CLIC5: variants seen among roughly 807,000 people sequenced by gnomAD.
CLIC5 encodes the protein chloride intracellular channel protein 5.
A neutral mutation model predicts 24.7 loss-of-function variants in CLIC5; 20 were observed. The observed-to-expected ratio is 0.81, with a 90% CI of 0.57 to 1.18. The LOEUF is 1.18. Ranked by LOEUF, CLIC5 falls within the 50% of genes most tolerant of loss-of-function variation. The pLI, the probability that CLIC5 is intolerant of heterozygous loss-of-function variation, is 0.00. For synonymous variants in CLIC5, 159 were observed against 135.6 expected (o/e 1.17, Z -1.20); for missense variants, 341 against 326.1 (o/e 1.05, Z -0.35).
rs1766983803 is a variant in CLIC5, at chr6:46,015,817, G to C, written c.-275C>G. ...TGACAACAGGTCGTGGGAGCAACAA[G>C]TGCCGGGCTGCCCGGAGGTGTCACA... On this transcript the variant is annotated 5_prime_UTR_variant, in exon 1 of 6. Coordinates refer to ENST00000339561, the MANE Select transcript of CLIC5 (RefSeq NM_016929.5). 7 of 1,171,990 alleles carry C rather than the reference G, an allele frequency of 6.0e-6. No homozygotes were observed. Among genetic ancestry groups the C allele is most frequent in the Admixed American group, 4.6e-5 (1 of 21,680 alleles). 72.6% of individuals were successfully genotyped at this position (1,171,990 alleles called of 1,614,324 possible). A position where few individuals can be genotyped will look rare whatever the true frequency, so the allele number is the denominator to read the frequency against.
At chr6:45,898,309 T>C (rs1319544967), downstream of CLIC5, 1 of 152,172 alleles carries the variant, frequency 6.6e-6, no homozygotes, top group African/African-American at 2.4e-5. Flanking sequence ...CAGGCATGCT[T>C]TGATTTTTAA....
At chr6:45,959,727 G>A (rs1243199380) in intron 1 of CLIC5, among the ~76,000 whole-genome samples, 3 of 152,322 alleles carry the variant, frequency 2.0e-5, no homozygotes, top group East Asian at 3.9e-4. Context: ...GAGGGAGGCA[G>A]CTGGTTCAGC....
intron 1 of CLIC5, among the ~76,000 whole-genome samples, chr6:45,987,043 G>A (rs924390794): frequency 6.6e-6 from 1 of 152,124 alleles, no homozygotes; most frequent in African/African-American, 2.4e-5. Context: ...CATGGAACTG[G>A]AGACCTGATA....
upstream of CLIC5, among the ~76,000 whole-genome samples, chr6:46,083,383 A>ATG (rs1762964173): frequency 6.6e-6 from 1 of 152,068 alleles, no homozygotes; most frequent in African/African-American, 2.4e-5. Flanking sequence ...CCAATTTTGG[A>ATG]TCTTTCCTGC....
chr6:45,914,899 G>A (rs1160137414), intron 4 of CLIC5, among the ~76,000 whole-genome samples: 1 of 151,850 alleles, frequency 6.6e-6, no homozygotes, highest in Non-Finnish European at 1.5e-5. Flanking sequence ...TGCAGTAAGT[G>A]AAATAATACT....
At position 46,015,646 on chromosome 6, in the gene CLIC5, T is replaced by A. The variant is rs1042963431; in HGVS notation, c.-104A>T. On this transcript the variant is annotated 5_prime_UTR_variant, in exon 1 of 6. Coordinates refer to ENST00000339561, the MANE Select transcript of CLIC5 (RefSeq NM_016929.5). Reference sequence around the variant, plus strand: ...TGCCGCTGCCCAGCGGGGCTCCTCTTCAGGGCGGTGTTTAATTTTTCACAA... The same window carrying A: ...TGCCGCTGCCCAGCGGGGCTCCTCTACAGGGCGGTGTTTAATTTTTCACAA... 56 of 1,346,198 alleles carry A rather than the reference T, an allele frequency of 4.2e-5. No homozygotes were observed. The highest frequency in any genetic ancestry group is 5.0e-5 in the Non-Finnish European group (52 of 1,039,200). 83.4% of individuals were successfully genotyped at this position (1,346,198 alleles called of 1,614,324 possible).
chr6:45,997,492 C>A (rs1766190908), intron 1 of CLIC5, among the ~76,000 whole-genome samples: 1 of 143,996 alleles, frequency 6.9e-6, no homozygotes, highest in Admixed American at 6.9e-5. Context: ...TACCCTAAAA[C>A]TTAAAGTATA....
Position 46,042,467 on chromosome 6 carries a change from G to A in CLIC5, c.540+37236C>T, listed in dbSNP as rs558570987. Among the ~76,000 whole-genome samples the A allele has an allele frequency of 6.6e-5, 10 of 152,186 alleles. 1 individual carries two copies. The East Asian group carries it at 1.4e-3, about 21-fold the overall frequency. On this transcript the variant is annotated intron_variant, in intron 1 of 5. Transcript: ENST00000185206. ...ACAAGACTGAATGGCCCACCTAGGA[G>A]GTGGGGCAGGCAGGCCTTGGGAGGC...
chr6:45,958,422 T>TTATATATATA (rs35922936), intron 1 of CLIC5, among the ~76,000 whole-genome samples: 10 of 8,366 alleles, frequency 1.2e-3, no homozygotes, highest in Non-Finnish European at 1.5e-3. Context: ...AAAAAGACAA[T>TTATATATATA]TATATATATA....
chr6:45,963,481 AT>A (rs1293873932), intron 1 of CLIC5, among the ~76,000 whole-genome samples: 1 of 151,670 alleles, frequency 6.6e-6, no homozygotes, highest in Non-Finnish European at 1.5e-5. Flanking sequence ...TGGACCCCTT[AT>A]TTTTCTTGCT....
chr6:46,012,298 CA>C (rs1766835095), intron 1 of CLIC5, among the ~76,000 whole-genome samples: 2 of 152,196 alleles, frequency 1.3e-5, no homozygotes, highest in South Asian at 4.1e-4. Context: ...TAATTAGAGG[CA>C]GAGGCAAGAC....
At chr6:46,061,193 G>C (rs1460433436) in intron 1 of CLIC5, among the ~76,000 whole-genome samples, 1 of 152,068 alleles carries the variant, frequency 6.6e-6, no homozygotes, top group Non-Finnish European at 1.5e-5. Context: ...TTGTTTGTTT[G>C]TTTGTTTGTT....
chr6:46,051,084 G>A (rs1768089572), intron 1 of CLIC5, among the ~76,000 whole-genome samples: 1 of 152,126 alleles, frequency 6.6e-6, no homozygotes, highest in African/African-American at 2.4e-5. Flanking sequence ...CCCCATCTCT[G>A]AACTCTTAGA....
chr6:46,129,117 T>C, the CLIC5 span, among the ~76,000 whole-genome samples: 1 of 152,224 alleles, frequency 6.6e-6, no homozygotes, highest in South Asian at 2.1e-4. Flanking sequence ...GAGCTGGAGA[T>C]ACAGTAGTGA....
At chr6:46,092,038 A>T in the CLIC5 span, among the ~76,000 whole-genome samples, 1 of 152,030 alleles carries the variant, frequency 6.6e-6, no homozygotes, top group African/African-American at 2.4e-5. Flanking sequence ...CCTCTTTTTG[A>T]TGATAGCCAT....
At chr6:46,069,177 C>T (rs1352879656) in intron 1 of CLIC5, among the ~76,000 whole-genome samples, 1 of 152,040 alleles carries the variant, frequency 6.6e-6, no homozygotes, top group African/African-American at 2.4e-5. Context: ...TGAGGAGTGA[C>T]AAGTAATGAA....
intron 1 of CLIC5, among the ~76,000 whole-genome samples, chr6:46,052,051 G>A (rs1049476766): frequency 6.6e-6 from 1 of 151,738 alleles, no homozygotes; most frequent in Non-Finnish European, 1.5e-5. Flanking sequence ...CCCAGGGCTA[G>A]CATGACACTG....
At chr6:45,909,189 G>A (rs1762746343) in intron 5 of CLIC5, among the ~76,000 whole-genome samples, 1 of 151,896 alleles carries the variant, frequency 6.6e-6, no homozygotes, top group South Asian at 2.1e-4. Flanking sequence ...ATATGAGAGG[G>A]GTCTCTTGAA....
At chr6:46,075,451 G>T (rs932894164) in intron 1 of CLIC5, among the ~76,000 whole-genome samples, 9 of 152,080 alleles carry the variant, frequency 5.9e-5, no homozygotes, top group Non-Finnish European at 1.3e-4. Context: ...TGGGTATGGT[G>T]GTGCACACCT....
Sources: gnomAD v4.1 joint callset for allele counts (sites outside exome capture counted in the v4.1 genomes callset) on GRCh38, gnomAD v4.1.1 for gene constraint, MANE v1.5 for transcripts, NCBI Gene and HGNC (gene_info 2026-07-23, HGNC 2026-07-21) for gene names.